IWS1: variants seen among roughly 807,000 people sequenced by gnomAD.
IWS1 encodes the protein interacts with SUPT6H, CTD assembly factor 1, also known as protein IWS1 homolog.
IWS1 carries 27 observed loss-of-function variants against 86.7 expected under a neutral mutation model. The ratio of observed to expected loss-of-function variants is 0.31; its 90% CI spans 0.23 to 0.43. The LOEUF (loss-of-function observed/expected upper bound fraction) is 0.43. Among genes scored for constraint, IWS1 ranks in the 20% least tolerant of loss-of-function variants. IWS1 has a pLI of 1.00. For synonymous variants in IWS1, 313 were observed against 335.1 expected (o/e 0.93, Z 0.72); for missense variants, 827 against 1,000.8 (o/e 0.83, Z 2.34).
At chr2:127,498,836 T>C (rs1049149167) in intron 5 of IWS1, 1 of 152,180 alleles carries the variant, frequency 6.6e-6, no homozygotes. Context: ...TCAGGGTAGG[T>C]TTATTTGCAT....
chr2:127,507,574 T>C (rs1291038405), intron 2 of IWS1, among the ~76,000 whole-genome samples: 2 of 152,252 alleles, frequency 1.3e-5, no homozygotes, highest in Non-Finnish European at 2.9e-5. Flanking sequence ...CATAGAATCT[T>C]ACAATTACCG....
chr2:127,501,562 T>C (rs935829268), intron 5 of IWS1, among the ~76,000 whole-genome samples: 7 of 152,210 alleles, frequency 4.6e-5, no homozygotes, highest in East Asian at 3.8e-4. Flanking sequence ...AACTTTTCGA[T>C]GTATAGTCTA....
In IWS1 at chr2:127,505,787, CAA is replaced by C. The variant is rs72159568; in HGVS notation, c.151-37_151-36del. 1,338 of 869,888 alleles carry C rather than the reference CAA, an allele frequency of 1.5e-3. No homozygotes were observed. The highest frequency in any genetic ancestry group is 2.2e-3 in the African/African-American group (118 of 53,814). The allele number at this position is 869,888 out of a possible 1,614,324, so 53.9% of individuals were successfully genotyped here. ...AAAGTGAGAAAAAATTAGGAAAGTG[CAA>C]AAAAAAAAAAACCATTAATAATAAA... On this transcript the variant is annotated intron_variant, in intron 2 of 13. Coordinates refer to ENST00000295321, the MANE Select transcript of IWS1 (RefSeq NM_017969.3). This position sits in a 1 kb window ranked among gnomAD's most constrained non-coding sequence, Gnocchi z 5.0.
intron 5 of IWS1, among the ~76,000 whole-genome samples, chr2:127,500,683 A>C (rs572816318): frequency 3.9e-5 from 6 of 152,278 alleles, no homozygotes; most frequent in African/African-American, 1.4e-4. Context: ...GTTGTCCTTT[A>C]ACTGGAATAT....
At position 127,489,994 on chromosome 2, in the gene IWS1, T is replaced by C; in HGVS notation, c.2048-51A>G. 9.8e-7 allele frequency: 1 copy of C among 1,016,702 alleles called. No individual in the cohort carries two copies. 63.0% of individuals were successfully genotyped at this position (1,016,702 alleles called of 1,614,324 possible). A position where few individuals can be genotyped will look rare whatever the true frequency, so the allele number is the denominator to read the frequency against. On this transcript the variant is annotated intron_variant, in intron 10 of 13. Coordinates refer to ENST00000295321, the MANE Select transcript of IWS1 (RefSeq NM_017969.3). This position sits in a 1 kb window ranked among gnomAD's most constrained non-coding sequence, Gnocchi z 4.8. ...TTTGTCCATAAAATTGCATTTCCAT[T>C]TTTTTCAAATAATTGCACCCCAGTG...
At chr2:127,493,073 T>A (rs931996804) in intron 9 of IWS1, 3 of 398,034 alleles carry the variant, frequency 7.5e-6, no homozygotes, top group African/African-American at 6.3e-5. Context: ...ACTCTAAGAT[T>A]TTTTCCCTTC....
intron 2 of IWS1, among the ~76,000 whole-genome samples, chr2:127,515,987 C>T (rs1573560554): frequency 6.6e-6 from 1 of 152,300 alleles, no homozygotes; most frequent in Admixed American, 6.5e-5. Flanking sequence ...CCCTCACTTG[C>T]TTAAAGAAGG....
At chr2:127,498,491 T>C (rs1192812044) in intron 5 of IWS1, among the ~76,000 whole-genome samples, 4 of 152,158 alleles carry the variant, frequency 2.6e-5, no homozygotes, top group African/African-American at 9.7e-5. Context: ...TGAAGCATAC[T>C]ATTCAGAGTG....
At chr2:127,522,090 T>C (rs1172084711) in intron 2 of IWS1, among the ~76,000 whole-genome samples, 1 of 152,168 alleles carries the variant, frequency 6.6e-6, no homozygotes, top group Non-Finnish European at 1.5e-5. Flanking sequence ...CTGAGTGACA[T>C]CAAAATATAT....
At position 127,481,111 on chromosome 2, in the gene IWS1, A is replaced by G. The variant is rs140149850; in HGVS notation, c.2393T>C (p.Ile798Thr). ...LDKQMRKFTD[I>T]RKKSRSAHAV... ...GTGTGCAGATCTGCTTTTTTTCCTTATATCTGTGAACTTTCTCATCTGTTT... is the reference window on the plus strand; with the variant it reads ...GTGTGCAGATCTGCTTTTTTTCCTTGTATCTGTGAACTTTCTCATCTGTTT... Residue 798 changes from isoleucine to threonine, a missense_variant, in exon 14 of 14, where the codon ATA becomes ACA. By Grantham distance (89) the Ile-to-Thr change is moderately conservative. Transcript: ENST00000295321. 2.1e-4 allele frequency: 346 copies of G among 1,611,450 alleles called. 2 individuals carry two copies. In the South Asian group the frequency reaches 2.3e-3, roughly 11 times the overall value.
In IWS1 at chr2:127,505,915, CCAAT is replaced by C; in HGVS notation, c.151-167_151-164del. The C allele has an allele frequency of 2.1e-6, 1 of 486,960 alleles. No homozygotes were observed. Among genetic ancestry groups the C allele is most frequent in the Non-Finnish European group, 3.6e-6 (1 of 281,090 alleles). 30.2% of individuals were successfully genotyped at this position (486,960 alleles called of 1,614,324 possible). The stretch of plus-strand genomic sequence containing the variant: ...CATATAGAAACACCCCCACAGAAAG[CCAAT>C]CAGTGAAATGGTTTTATTTGGATCC... On this transcript the variant is annotated intron_variant, in intron 2 of 13. Coordinates refer to ENST00000295321, the MANE Select transcript of IWS1 (RefSeq NM_017969.3). The surrounding 1 kb of genome is among the most constrained non-coding windows in gnomAD (Gnocchi z 5.0).
At chr2:127,520,244 C>T (rs1692019279) in intron 2 of IWS1, among the ~76,000 whole-genome samples, 2 of 152,188 alleles carry the variant, frequency 1.3e-5, no homozygotes, top group South Asian at 2.1e-4. Context: ...TCTCTACTCA[C>T]TGCAACCTCC....
rs77970345 is a variant in IWS1, at chr2:127,502,651, A to G, written c.1467+164T>C. 2.9e-4 allele frequency: 133 copies of G among 456,510 alleles called. 1 individual carries two copies. In the East Asian group the frequency reaches 4.4e-3, roughly 15 times the overall value. The allele number at this position is 456,510 out of a possible 1,614,324, so 28.3% of individuals were successfully genotyped here. A position where few individuals can be genotyped will look rare whatever the true frequency, so the allele number is the denominator to read the frequency against. ...TTAGCTTCCTTTTATGTCTTTGTATATACGCTTTCATTTTACTTCCTGAAT... is the reference window on the plus strand; with the variant it reads ...TTAGCTTCCTTTTATGTCTTTGTATGTACGCTTTCATTTTACTTCCTGAAT... On this transcript the variant is annotated intron_variant, in intron 5 of 13. Coordinates refer to ENST00000295321, the MANE Select transcript of IWS1 (RefSeq NM_017969.3).
chr2:127,504,409 T>TA (rs779375588), intron 3 of IWS1, among the ~76,000 whole-genome samples: 7,665 of 145,832 alleles, frequency 0.053, 270 homozygotes, highest in African/African-American at 0.1. Context: ...CTTCCAGTTT[T>TA]AAAAAAAAAA....
intron 13 of IWS1, chr2:127,486,339 G>GA: frequency 2.4e-6 from 1 of 423,988 alleles, no homozygotes; most frequent in Non-Finnish European, 4.4e-6. Flanking sequence ...AATTAAGACT[G>GA]AAGAAAAATT....
At chr2:127,511,439 T>G (rs1272391861) in intron 2 of IWS1, 1 of 152,200 alleles carries the variant, frequency 6.6e-6, no homozygotes, top group African/African-American at 2.4e-5. Flanking sequence ...GCACCATCAG[T>G]AACAAAATCT....
At chr2:127,510,385 CCTGT>C (rs1290327380) in intron 2 of IWS1, among the ~76,000 whole-genome samples, 2 of 152,108 alleles carry the variant, frequency 1.3e-5, no homozygotes, top group Admixed American at 6.5e-5. Context: ...CCTTGTGTCC[CCTGT>C]CTATCAAAAG....
At chr2:127,518,715 G>A (rs913739930) in intron 2 of IWS1, among the ~76,000 whole-genome samples, 1 of 151,944 alleles carries the variant, frequency 6.6e-6, no homozygotes, top group African/African-American at 2.4e-5. Flanking sequence ...ATAGGAGCCT[G>A]TCACCACGCC....
chr2:127,502,807 A>T lies in IWS1; in HGVS notation c.1467+8T>A, dbSNP rs764050684. The T allele has an allele frequency of 6.8e-7, 1 of 1,477,152 alleles. No homozygotes were observed. Among genetic ancestry groups the T allele is most frequent in the East Asian group, 2.3e-5 (1 of 44,050 alleles). 91.5% of individuals were successfully genotyped at this position (1,477,152 alleles called of 1,614,324 possible). ...ATCAAGGAGGAAATATTTCCATCTT[A>T]TACTTACTGTAAATTCTTCTTCCTC... On this transcript the variant is annotated splice_region_variant and intron_variant, in intron 5 of 13. Transcript: ENST00000295321.
Sources: allele counts gnomAD v4.1 joint callset (sites outside exome capture counted in the v4.1 genomes callset), GRCh38; gene constraint gnomAD v4.1.1; non-coding constraint Gnocchi (gnomAD v3.1); transcripts MANE v1.5; gene names NCBI Gene and HGNC (gene_info 2026-07-23, HGNC 2026-07-21).